LRPPRC: variants seen among roughly 807,000 people sequenced by gnomAD.
LRPPRC encodes leucine-rich PPR motif-containing protein, mitochondrial.
In LRPPRC, 120 loss-of-function variants were observed where a neutral mutation model predicts 180.3. The observed-to-expected ratio is 0.67, with a 90% CI of 0.57 to 0.77. LRPPRC has a LOEUF of 0.77. Among genes scored for constraint, LRPPRC ranks in the 30% least tolerant of loss-of-function variants. The probability of loss-of-function intolerance (pLI) is 0.00; values close to 1 mark genes in which losing one functional copy is unlikely to be tolerated. For synonymous variants in LRPPRC, 723 were observed against 600.0 expected (o/e 1.21, Z -3.00); for missense variants, 2,012 against 1,657.2 (o/e 1.21, Z -3.72).
intron 23 of LRPPRC, among the ~76,000 whole-genome samples, chr2:43,935,912 C>G (rs940635706): frequency 2.0e-5 from 3 of 151,972 alleles, no homozygotes; most frequent in Admixed American, 6.6e-5. Flanking sequence ...GGAGAAACCC[C>G]ATCTCTATTA....
chr2:43,969,869 T>C (rs1360953576), intron 11 of LRPPRC, among the ~76,000 whole-genome samples: 1 of 151,740 alleles, frequency 6.6e-6, no homozygotes, highest in Non-Finnish European at 1.5e-5. Context: ...AGAGACAGGA[T>C]TTTGCCAACT....
chr2:43,943,634 T>G, intron 23 of LRPPRC, 53 bp downstream of exon 23: 1 of 1,438,038 alleles, frequency 7.0e-7, no homozygotes, highest in Non-Finnish European at 9.8e-7. Flanking sequence ...CGAAAATTAT[T>G]AGACTCATTC....
chr2:43,898,628 A>T (rs1308004290), intron 34 of LRPPRC, among the ~76,000 whole-genome samples: 1 of 152,170 alleles, frequency 6.6e-6, no homozygotes, highest in Non-Finnish European at 1.5e-5. Context: ...CCTTCCCTGA[A>T]GGTTGCTAAT....
At chr2:43,993,650 A>G (rs556452547) in intron 1 of LRPPRC, among the ~76,000 whole-genome samples, 2 of 152,174 alleles carry the variant, frequency 1.3e-5, no homozygotes, top group African/African-American at 2.4e-5. Context: ...AAGAGGGAAC[A>G]ATCACTTCTT....
intron 13 of LRPPRC, chr2:43,959,181 G>C (rs1673237985): frequency 1.4e-6 from 1 of 716,166 alleles, no homozygotes; most frequent in Non-Finnish European, 2.6e-6. Context: ...AGATTCCTCT[G>C]CTAATGCTTC....
At position 43,924,940 on chromosome 2, in the gene LRPPRC, C is replaced by A; in HGVS notation, c.2896+127G>T. The A allele has an allele frequency of 4.2e-6, 3 of 718,320 alleles. 1 individual carries two copies. Among genetic ancestry groups the A allele is most frequent in the South Asian group, 3.0e-5 (2 of 66,706 alleles). The allele number at this position is 718,320 out of a possible 1,614,324, so 44.5% of individuals were successfully genotyped here. A position where few individuals can be genotyped will look rare whatever the true frequency, so the allele number is the denominator to read the frequency against. On this transcript the variant is annotated intron_variant, in intron 27 of 37. Coordinates refer to ENST00000260665, the MANE Select transcript of LRPPRC (RefSeq NM_133259.4). ...TGATAAAATTCAATCTAGCCTCTACCTGAGCCTCTGTTGAATGAAAACTGC... is the reference window on the plus strand; with the variant it reads ...TGATAAAATTCAATCTAGCCTCTACATGAGCCTCTGTTGAATGAAAACTGC...
At chr2:43,923,512 C>A (rs1306787300) in intron 27 of LRPPRC, among the ~76,000 whole-genome samples, 1 of 152,072 alleles carries the variant, frequency 6.6e-6, no homozygotes, top group African/African-American at 2.4e-5. Context: ...AGTAAAAGTT[C>A]TTCTGAATAG....
intron 21 of LRPPRC, 120 bp downstream of exon 21, chr2:43,945,990 TGAC>T (rs1672667028): frequency 1.9e-6 from 2 of 1,054,472 alleles, no homozygotes; most frequent in Non-Finnish European, 2.9e-6. Context: ...TCAAAAACAC[TGAC>T]AACAAAAGAA....
chr2:43,932,136 A>AAAAAAAT (rs1558962168), intron 25 of LRPPRC, among the ~76,000 whole-genome samples: 14 of 148,104 alleles, frequency 9.5e-5, no homozygotes, highest in South Asian at 4.3e-4. Context: ...AAAAAAAAAA[A>AAAAAAAT]AAAAAAAAAA....
Position 43,976,185 on chromosome 2 carries a change from T to G in LRPPRC, c.695A>C (p.Glu232Ala), listed in dbSNP as rs765911841. Residue 232 changes from glutamate (E) to alanine (A), a missense_variant, in exon 6 of 38, where the codon GAG becomes GCG. Physicochemically the swap from Glu to Ala is moderately radical, Grantham distance 107. Coordinates refer to ENST00000260665, the MANE Select transcript of LRPPRC (RefSeq NM_133259.4). ...FMKTKDLPVT[E>A]AVFSALVTGH... is the part of the protein sequence containing the mutation. ...TGTCACAAGGGCACTGAATACTGCC[T>G]CTGTAACTGGGAGATCCTTAGTTTT... The G allele has an allele frequency of 1.9e-6, 3 of 1,612,852 alleles. No individual in the cohort carries two copies. The highest frequency in any genetic ancestry group is 2.5e-6 in the Non-Finnish European group (3 of 1,178,830).
intron 1 of LRPPRC, among the ~76,000 whole-genome samples, chr2:43,993,023 G>A (rs1057297378): frequency 6.6e-6 from 1 of 152,174 alleles, no homozygotes; most frequent in Non-Finnish European, 1.5e-5. Flanking sequence ...TAGGTGAACA[G>A]AAGCAAGAGG....
At chr2:43,983,344 AC>A (rs1674394091) in intron 1 of LRPPRC, among the ~76,000 whole-genome samples, 7 of 149,406 alleles carry the variant, frequency 4.7e-5, no homozygotes, top group Admixed American at 2.7e-4. Flanking sequence ...GAAAAAAAAC[AC>A]CACAATTTTT....
chr2:43,929,013 G>T lies in LRPPRC; in HGVS notation c.2737-3052C>A, dbSNP rs747418041. Reference sequence around the variant, plus strand: ...ATACTATATCATTATAATAAAGTAAGCTACAACAAGAAAATGTTAAGGAAA... The same window carrying T: ...ATACTATATCATTATAATAAAGTAATCTACAACAAGAAAATGTTAAGGAAA... On this transcript the variant is annotated intron_variant, in intron 25 of 37. Coordinates refer to ENST00000260665, the MANE Select transcript of LRPPRC (RefSeq NM_133259.4). Among the ~76,000 whole-genome samples, 4 of 152,094 alleles carry T rather than the reference G, an allele frequency of 2.6e-5. No homozygotes were observed. In the East Asian group the frequency reaches 7.7e-4, roughly 29 times the overall value.
Position 43,944,601 on chromosome 2 carries a change from T to A in LRPPRC, c.2297-707A>T, listed in dbSNP as rs1672610864. 5.3e-5 allele frequency among the ~76,000 whole-genome samples: 8 copies of A among 152,196 alleles called. No individual in the cohort carries two copies. The South Asian group carries it at 1.7e-3, about 32-fold the overall frequency. On this transcript the variant is annotated intron_variant, in intron 22 of 37. Coordinates refer to ENST00000260665, the MANE Select transcript of LRPPRC (RefSeq NM_133259.4). ...AAACATTCAATGTTCTAATAAATGA[T>A]TTTCTCCATACATTTTTCCCTATAA...
At chr2:43,960,015 T>A (rs1673274395) in intron 13 of LRPPRC, among the ~76,000 whole-genome samples, 1 of 152,256 alleles carries the variant, frequency 6.6e-6, no homozygotes. Context: ...CCTTTAGTCA[T>A]CTATCAATGG....
chr2:43,990,451 C>T (rs1267304435), intron 1 of LRPPRC, among the ~76,000 whole-genome samples: 1 of 152,140 alleles, frequency 6.6e-6, no homozygotes, highest in Admixed American at 6.6e-5. Context: ...TAAACTTTGT[C>T]AAAATCTGTA....
At chr2:43,966,315 G>A (rs532973729) in intron 11 of LRPPRC, among the ~76,000 whole-genome samples, 10 of 152,132 alleles carry the variant, frequency 6.6e-5, no homozygotes, top group African/African-American at 1.9e-4. Context: ...TGGTCCATAG[G>A]TATAAATTTT....
At chr2:43,986,109 T>C (rs923759112) in intron 1 of LRPPRC, among the ~76,000 whole-genome samples, 1 of 152,166 alleles carries the variant, frequency 6.6e-6, no homozygotes, top group African/African-American at 2.4e-5. Context: ...ATGTCTTTTC[T>C]GGTGAAGTAT....
At chr2:43,936,845 T>C (rs1027104309) in intron 23 of LRPPRC, among the ~76,000 whole-genome samples, 3 of 152,190 alleles carry the variant, frequency 2.0e-5, no homozygotes, top group Admixed American at 6.5e-5. Flanking sequence ...ATTACTGTCA[T>C]AGAAGAGAAA....
Sources: allele counts gnomAD v4.1 joint callset (sites outside exome capture counted in the v4.1 genomes callset), GRCh38; gene constraint gnomAD v4.1.1; transcripts MANE v1.5; gene names NCBI Gene and HGNC (gene_info 2026-07-23, HGNC 2026-07-21).